Variants in KAZN observed in about 807,000 individuals in gnomAD.
KAZN encodes kazrin, periplakin interacting protein.
KAZN carries 40 observed loss-of-function variants against 87.4 expected under a neutral mutation model. The observed-to-expected ratio is 0.46, with a 90% CI of 0.36 to 0.60. KAZN has a LOEUF of 0.60. Ranked by LOEUF, KAZN falls within the 20% of genes least tolerant of loss-of-function variation. The pLI, the probability that KAZN is intolerant of heterozygous loss-of-function variation, is 0.00. For synonymous variants in KAZN, 466 were observed against 458.3 expected (o/e 1.02, Z -0.22); for missense variants, 898 against 1,073.9 (o/e 0.84, Z 2.29).
rs146673395 is a variant in KAZN at position 15,014,858 on chromosome 1, C to CT, written c.419-19890dup. Among the ~76,000 whole-genome samples the CT allele has an allele frequency of 4.2e-3, 635 of 152,280 alleles. 9 individuals are homozygous for CT. Among genetic ancestry groups the CT allele is most frequent in the African/African-American group, 0.014 (599 of 41,522 alleles). On this transcript the variant is annotated intron_variant, in intron 2 of 14. Transcript: ENST00000376030. ...CTGTCCCGCCTTCCGTGCCCTCACC[C>CT]TGCCTGGCACTGGCCCAGTTGTTTT...
chr1:14,992,503 C>T (rs1667450441), intron 2 of KAZN, among the ~76,000 whole-genome samples: 1 of 152,202 alleles, frequency 6.6e-6, no homozygotes, highest in East Asian at 1.9e-4. Context: ...AGATGCAAAG[C>T]CCAGTGGCCC....
At chr1:14,473,605 C>T (rs1245057778) in intron 2 of KAZN, among the ~76,000 whole-genome samples, 2 of 150,360 alleles carry the variant, frequency 1.3e-5, no homozygotes, top group Non-Finnish European at 3.0e-5. Context: ...CGCCACTGCA[C>T]TCCAGCCTTG....
intron 2 of KAZN, among the ~76,000 whole-genome samples, chr1:14,536,287 G>T (rs1672500880): frequency 6.6e-6 from 1 of 152,228 alleles, no homozygotes; most frequent in African/African-American, 2.4e-5. Context: ...TATGAGTGGG[G>T]AAAGAAGGGG....
chr1:13,991,461 G>A (rs1639282146), intron 1 of KAZN, among the ~76,000 whole-genome samples: 1 of 151,938 alleles, frequency 6.6e-6, no homozygotes, highest in Non-Finnish European at 1.5e-5. Flanking sequence ...GGGAAAAAAA[G>A]AAAATGTAGT....
intron 1 of KAZN, among the ~76,000 whole-genome samples, chr1:14,031,100 A>T (rs1350466837): frequency 6.6e-6 from 1 of 152,192 alleles, no homozygotes; most frequent in Admixed American, 6.5e-5. Context: ...TCCATGCACC[A>T]CCAACCTGTA....
chr1:14,262,287 A>G (rs1257471076), intron 2 of KAZN, among the ~76,000 whole-genome samples: 36 of 152,184 alleles, frequency 2.4e-4, no homozygotes, highest in Non-Finnish European at 1.5e-5. Flanking sequence ...TAAGCAGACC[A>G]TATAAGTGGT....
Position 15,103,407 on chromosome 1 carries a change from GT to G in KAZN, c.1829del (p.Val610GlyfsTer17). The G allele has an allele frequency of 6.4e-7, 1 of 1,552,498 alleles. No homozygotes were observed. Among genetic ancestry groups the G allele is most frequent in the Non-Finnish European group, 8.7e-7 (1 of 1,147,472 alleles). On this transcript the variant is annotated frameshift_variant, in exon 12 of 15. Coordinates refer to ENST00000376030, the MANE Select transcript of KAZN (RefSeq NM_201628.3). LOFTEE classifies it high-confidence loss of function. ...CTGCGAGACGCAGAACATTGACCCC[GT>G]GGTGTGGACCAACCAGCGGGTGCTC... ...ARCETQNIDPVVWTNQRVLKW... is the reference protein window; with the variant it reads ...ARCETQNIDPXVWTNQRVLKW...
intron 1 of KAZN, among the ~76,000 whole-genome samples, chr1:14,632,761 C>T (rs760719003): frequency 6.6e-6 from 1 of 152,092 alleles, no homozygotes; most frequent in Non-Finnish European, 1.5e-5. Context: ...CGCAGGTACC[C>T]TCTGCAGCCC....
chr1:14,567,109 T>G (rs1674588840), intron 2 of KAZN, among the ~76,000 whole-genome samples: 1 of 152,212 alleles, frequency 6.6e-6, no homozygotes, highest in African/African-American at 2.4e-5. Context: ...GCTTAATCAT[T>G]TCTAGTTTTT....
At chr1:14,278,076 A>G (rs1254723195) in intron 2 of KAZN, among the ~76,000 whole-genome samples, 1 of 148,522 alleles carries the variant, frequency 6.7e-6, no homozygotes, top group Admixed American at 6.7e-5. Flanking sequence ...AGGCTGAGGC[A>G]GGAGAATCGC....
chr1:15,005,123 CAT>C (rs746106910), intron 2 of KAZN, among the ~76,000 whole-genome samples: 4 of 152,292 alleles, frequency 2.6e-5, no homozygotes, highest in East Asian at 1.9e-4. Flanking sequence ...TCCCAAAACA[CAT>C]GAGGGTCTCA....
intron 1 of KAZN, chr1:14,924,542 G>A: frequency 1.6e-5 from 16 of 1,012,040 alleles, no homozygotes; most frequent in Non-Finnish European, 1.9e-5. Context: ...GGTTCCCCGG[G>A]TCCGAGCGGA....
chr1:14,905,004 G>T (rs187868622), intron 1 of KAZN, among the ~76,000 whole-genome samples: 1 of 151,918 alleles, frequency 6.6e-6, no homozygotes, highest in Non-Finnish European at 1.5e-5. Flanking sequence ...CTCGTGATCC[G>T]CCCACCTCGG....
chr1:14,979,193 C>T (rs1007801069), intron 2 of KAZN, among the ~76,000 whole-genome samples: 2 of 151,906 alleles, frequency 1.3e-5, no homozygotes, highest in African/African-American at 4.8e-5. Context: ...GAGCGGATCA[C>T]GAGGTGAGGA....
chr1:14,808,290 CTTTTTTTT>C (rs57548450), intron 1 of KAZN, among the ~76,000 whole-genome samples: 32 of 88,096 alleles, frequency 3.6e-4, no homozygotes, highest in East Asian at 1.3e-3. Context: ...AAAGAGGTTT[CTTTTTTTT>C]TTTTTTTTTT....
At chr1:14,853,141 C>T (rs1430871239) in intron 1 of KAZN, among the ~76,000 whole-genome samples, 1 of 152,188 alleles carries the variant, frequency 6.6e-6, no homozygotes, top group Admixed American at 6.5e-5. Context: ...GGGTATCATG[C>T]CTAGGCCCTG....
intron 1 of KAZN, among the ~76,000 whole-genome samples, chr1:14,852,726 T>C (rs919996941): frequency 2.0e-5 from 3 of 152,262 alleles, no homozygotes; most frequent in Admixed American, 6.5e-5. Flanking sequence ...GGGGTATGGA[T>C]TGCAGCTTCT....
At chr1:14,574,248 C>T (rs964971534) in intron 2 of KAZN, among the ~76,000 whole-genome samples, 3 of 152,218 alleles carry the variant, frequency 2.0e-5, no homozygotes, top group Non-Finnish European at 4.4e-5. Flanking sequence ...CCCTGCACTT[C>T]ATCAATGGCC....
At chr1:14,316,351 A>G (rs1402799886) in intron 2 of KAZN, among the ~76,000 whole-genome samples, 1 of 152,032 alleles carries the variant, frequency 6.6e-6, no homozygotes, top group Admixed American at 6.6e-5. Flanking sequence ...ATTGGTAAGA[A>G]GTGGTACATA....
Sources: allele counts gnomAD v4.1 joint callset (sites outside exome capture counted in the v4.1 genomes callset), GRCh38; gene constraint gnomAD v4.1.1; transcripts MANE v1.5; gene names NCBI Gene and HGNC (gene_info 2026-07-23, HGNC 2026-07-21).